Variants in ARHGEF6 observed in about 807,000 individuals in gnomAD.
The protein encoded by ARHGEF6 is Rac/Cdc42 guanine nucleotide exchange factor 6.
A neutral mutation model predicts 70.3 loss-of-function variants in ARHGEF6; 9 were observed. That is an observed-to-expected ratio of 0.13 (90% confidence interval 0.08 to 0.22). The LOEUF is 0.22. Ranked by LOEUF, ARHGEF6 falls within the 10% of genes least tolerant of loss-of-function variation. The pLI, the probability that ARHGEF6 is intolerant of heterozygous loss-of-function variation, is 1.00. For missense variants in ARHGEF6, 470 were observed against 563.0 expected, an observed-to-expected ratio of 0.83 and a Z score of 1.67; for synonymous variants, 201 against 207.8, an observed-to-expected ratio of 0.97 and a Z score of 0.28.
chrX:136,724,562 C>A (rs2076834986), intron 6 of ARHGEF6, among the ~76,000 whole-genome samples: 1 of 111,625 alleles, frequency 9.0e-6, no homozygotes, highest in Non-Finnish European at 1.9e-5. Flanking sequence ...GCTATCTTGG[C>A]TCACTGCAGC....
At chrX:136,763,518 G>A (rs1311048270) in intron 2 of ARHGEF6, among the ~76,000 whole-genome samples, 1 of 111,914 alleles carries the variant, frequency 8.9e-6, no homozygotes, top group East Asian at 2.8e-4. Flanking sequence ...CCTGTACTGG[G>A]CGCTAGGGTT....
At chrX:136,741,580 G>A (rs1471268797) in intron 5 of ARHGEF6, among the ~76,000 whole-genome samples, 8 of 105,819 alleles carry the variant, frequency 7.6e-5, no homozygotes, top group African/African-American at 2.1e-4. Flanking sequence ...TCTTAAAGTC[G>A]TAACTTTAGG....
chrX:136,762,781 T>C (rs1393814668), intron 2 of ARHGEF6, among the ~76,000 whole-genome samples: 2 of 112,291 alleles, frequency 1.8e-5, no homozygotes, highest in Admixed American at 9.4e-5. Flanking sequence ...CGTGAGCCAC[T>C]GTGCCCAGCC....
At chrX:136,686,779 A>G (rs1381217390) in intron 11 of ARHGEF6, among the ~76,000 whole-genome samples, 1 of 96,634 alleles carries the variant, frequency 1.0e-5, no homozygotes, top group Non-Finnish European at 2.1e-5. Context: ...AGAGTAATTT[A>G]ACAGCATGCC....
chrX:136,727,520 CCTCT>C (rs1365053136), intron 6 of ARHGEF6, among the ~76,000 whole-genome samples: 3 of 94,475 alleles, frequency 3.2e-5, no homozygotes, highest in Non-Finnish European at 4.2e-5. Context: ...TCCCTCCCTC[CCTCT>C]CTCTCTCTCT....
chrX:136,767,911 G>C, intron 2 of ARHGEF6: 1 of 555,019 alleles, frequency 1.8e-6, no homozygotes, highest in Non-Finnish European at 2.2e-6. Flanking sequence ...CGGTGTACCC[G>C]CGGCGGCCAC....
intron 21 of ARHGEF6, 138 bp downstream of exon 21, chrX:136,669,344 C>A (rs1470346614): frequency 3.8e-6 from 2 of 532,133 alleles, no homozygotes; most frequent in Non-Finnish European, 6.5e-6. Context: ...TCAACAAAAC[C>A]TACCTTGATG....
At chrX:136,704,682 C>T (rs988347243) in intron 9 of ARHGEF6, among the ~76,000 whole-genome samples, 2 of 111,494 alleles carry the variant, frequency 1.8e-5, no homozygotes, top group African/African-American at 3.3e-5. Flanking sequence ...CTTCAGATCT[C>T]GTGAGAACTC....
chrX:136,724,704 G>A (rs948172819), intron 6 of ARHGEF6, among the ~76,000 whole-genome samples: 5 of 110,312 alleles, frequency 4.5e-5, no homozygotes, highest in African/African-American at 1.3e-4. Flanking sequence ...TGCCCAGGCC[G>A]GTCTTGAATT....
rs1057515782 is a variant in ARHGEF6 at position 136,779,480 on chromosome X, T to C, written c.183A>G (p.Gln61=). ...TGTTGTTGATGCAGTCAGCTTCAGT[T>C]TGGGGATCCAGACAAAACTAGAGGA... The part of the protein sequence containing the change: ...GSVEKFCLDP[Q]TEADCINNIN... The change falls in exon 2 of 22, where the codon CAA becomes CAG. Residue 61 remains glutamine (Q), a synonymous_variant. Coordinates refer to ENST00000250617, the MANE Select transcript of ARHGEF6 (RefSeq NM_004840.3). 4.1e-6 allele frequency: 5 copies of C among 1,210,575 alleles called. No homozygotes were observed. Among genetic ancestry groups the C allele is most frequent in the Non-Finnish European group, 5.6e-6 (5 of 894,495 alleles).
chrX:136,713,026 A>G (rs1445502845), intron 7 of ARHGEF6, among the ~76,000 whole-genome samples: 6 of 109,701 alleles, frequency 5.5e-5, no homozygotes, highest in Non-Finnish European at 9.5e-5. Context: ...AATGTACAAG[A>G]TAAAAATTGT....
At chrX:136,770,279 G>A (rs1398280640) in intron 2 of ARHGEF6, among the ~76,000 whole-genome samples, 1 of 112,318 alleles carries the variant, frequency 8.9e-6, no homozygotes, top group Non-Finnish European at 1.9e-5. Context: ...ATGTAATACA[G>A]CATACAAATA....
At chrX:136,758,343 C>A (rs1457862788) in intron 2 of ARHGEF6, among the ~76,000 whole-genome samples, 1 of 109,707 alleles carries the variant, frequency 9.1e-6, no homozygotes, top group Admixed American at 9.8e-5. Flanking sequence ...TGAGCCACTG[C>A]GCCCGGCCAA....
At chrX:136,679,118 A>T (rs1308658438) in intron 16 of ARHGEF6, among the ~76,000 whole-genome samples, 1 of 112,391 alleles carries the variant, frequency 8.9e-6, no homozygotes, top group Non-Finnish European at 1.9e-5. Flanking sequence ...GCTTGGTCCC[A>T]TAACACTTTA....
At chrX:136,706,427 T>C (rs2076627762) in intron 9 of ARHGEF6, among the ~76,000 whole-genome samples, 1 of 111,616 alleles carries the variant, frequency 9.0e-6, no homozygotes, top group East Asian at 2.8e-4. Flanking sequence ...AGTTTAGCTA[T>C]GTGTCAGCAA....
chrX:136,743,918 T>C lies in ARHGEF6; in HGVS notation c.460-132A>G. 3 of 581,950 alleles carry C rather than the reference T, an allele frequency of 5.2e-6. No homozygotes were observed. In the South Asian group the frequency reaches 7.6e-5, roughly 15 times the overall value. 48.0% of individuals were successfully genotyped at this position (581,950 alleles called of 1,213,427 possible). A position where few individuals can be genotyped will look rare whatever the true frequency, so the allele number is the denominator to read the frequency against. Reference sequence around the variant, plus strand: ...CAGATCCATCTCAGTCCTGAGTTTTTAACTTAGGAATCCATGAATGGGTCT... The same window carrying C: ...CAGATCCATCTCAGTCCTGAGTTTTCAACTTAGGAATCCATGAATGGGTCT... On this transcript the variant is annotated intron_variant, in intron 4 of 21. Transcript: ENST00000250617.
Position 136,722,134 on chromosome X carries a change from T to A in ARHGEF6, c.733-8764A>T, listed in dbSNP as rs192360367. Reference sequence around the variant, plus strand: ...CAAATGGTGCTGAGAAAACTGGATATTCACATGCAAAAGAAAGAATTTACA... The same window carrying A: ...CAAATGGTGCTGAGAAAACTGGATAATCACATGCAAAAGAAAGAATTTACA... On this transcript the variant is annotated intron_variant, in intron 6 of 21. Transcript: ENST00000250617. 5.0e-3 allele frequency among the ~76,000 whole-genome samples: 550 copies of A among 110,448 alleles called. 1 individual carries two copies. Among genetic ancestry groups the A allele is most frequent in the Non-Finnish European group, 8.6e-3 (456 of 52,793 alleles).
At chrX:136,722,613 T>C (rs2076810494) in intron 6 of ARHGEF6, among the ~76,000 whole-genome samples, 1 of 112,105 alleles carries the variant, frequency 8.9e-6, no homozygotes, top group African/African-American at 3.2e-5. Flanking sequence ...TACTACTTGA[T>C]ACTCAATAGG....
chrX:136,711,111 G>A (rs932135866), intron 7 of ARHGEF6, among the ~76,000 whole-genome samples: 1 of 111,977 alleles, frequency 8.9e-6, no homozygotes, highest in Non-Finnish European at 1.9e-5. Flanking sequence ...GCACTACAGA[G>A]TTTTCTCAAA....
Sources: allele counts gnomAD v4.1 joint callset (sites outside exome capture counted in the v4.1 genomes callset), GRCh38; gene constraint gnomAD v4.1.1; transcripts MANE v1.5; gene names NCBI Gene and HGNC (gene_info 2026-07-23, HGNC 2026-07-21).